The following EFCAB11 variants were observed in gnomAD, a reference collection of about 807,000 sequenced individuals.
EFCAB11 encodes EF-hand calcium binding domain 11, also known as EF-hand calcium-binding domain-containing protein 11.
Under a neutral mutation model 23.0 loss-of-function variants are expected in EFCAB11, and 14 were observed. The ratio of observed to expected loss-of-function variants is 0.61; its 90% CI spans 0.40 to 0.95. The LOEUF is 0.95. EFCAB11 is among the 40% of genes least tolerant of loss of function. The pLI is 0.00. For synonymous variants in EFCAB11, 65 were observed against 66.6 expected, an observed-to-expected ratio of 0.98 and a Z score of 0.11; for missense variants, 198 against 195.8, an observed-to-expected ratio of 1.01 and a Z score of -0.07.
intron 5 of EFCAB11, among the ~76,000 whole-genome samples, chr14:89,834,726 G>T (rs949686976): frequency 6.6e-6 from 1 of 152,230 alleles, no homozygotes; most frequent in African/African-American, 2.4e-5. Flanking sequence ...TTTCAGCAGA[G>T]TTACTGGGGC....
intron 3 of EFCAB11, among the ~76,000 whole-genome samples, chr14:89,940,781 T>C (rs1890763630): frequency 6.6e-6 from 1 of 152,226 alleles, no homozygotes; most frequent in South Asian, 2.1e-4. Flanking sequence ...TTAGGCATAT[T>C]TTACATAGAT....
At chr14:89,824,393 T>C (rs1162208959) in intron 5 of EFCAB11, among the ~76,000 whole-genome samples, 3 of 151,606 alleles carry the variant, frequency 2.0e-5, no homozygotes, top group Non-Finnish European at 2.9e-5. Flanking sequence ...CTTAGGCTTA[T>C]GGAAAATAAT....
intron 5 of EFCAB11, among the ~76,000 whole-genome samples, chr14:89,894,373 C>T (rs1045329213): frequency 1.2e-4 from 18 of 151,878 alleles, no homozygotes; most frequent in Admixed American, 2.0e-4. Flanking sequence ...AGGTTTTAAG[C>T]CCCACATGCA....
At chr14:89,870,843 G>A (rs1888245790) in intron 5 of EFCAB11, among the ~76,000 whole-genome samples, 1 of 152,016 alleles carries the variant, frequency 6.6e-6, no homozygotes, top group Admixed American at 6.6e-5. Flanking sequence ...GGGAGGCTGA[G>A]GCAGGAGAAC....
At chr14:89,836,794 AG>A (rs1887098031) in intron 5 of EFCAB11, 8 of 399,914 alleles carry the variant, frequency 2.0e-5, no homozygotes, top group South Asian at 1.5e-4. Context: ...TGAGGTGGGC[AG>A]ATCACTTGAG....
rs1283306617 is a variant in EFCAB11 at position 89,795,968 on chromosome 14, A to C, written c.*1275T>G. ...TGGAGCCCAGCAGGACAGGCAAGGC[A>C]TGGGGAACGTGAACACACATGGCTA... On this transcript the variant is annotated 3_prime_UTR_variant, in exon 6 of 6. Transcript: ENST00000316738. 2 of 152,246 alleles carry C rather than the reference A, an allele frequency of 1.3e-5. No homozygotes were observed. The highest frequency in any genetic ancestry group is 1.3e-4 in the Admixed American group (2 of 15,286). The allele number at this position is 152,246 out of a possible 1,614,324, so 9.4% of individuals were successfully genotyped here. A position where few individuals can be genotyped will look rare whatever the true frequency, so the allele number is the denominator to read the frequency against.
In EFCAB11 at chr14:89,950,150, A is replaced by T; in HGVS notation, c.172-8T>A. 1 of 1,555,064 alleles carries T rather than the reference A, an allele frequency of 6.4e-7. No homozygotes were observed. The highest frequency in any genetic ancestry group is 8.8e-7 in the Non-Finnish European group (1 of 1,139,230). ...CACAGAATCCACTTCTATCTAGAAA[A>T]GAGGAAAAAATAATAGAACATGTAA... On this transcript the variant is annotated splice_polypyrimidine_tract_variant and splice_region_variant and intron_variant, in intron 2 of 5. Coordinates refer to ENST00000316738, the MANE Select transcript of EFCAB11 (RefSeq NM_145231.4).
At chr14:89,924,488 G>A in intron 5 of EFCAB11, 2 of 1,398,996 alleles carry the variant, frequency 1.4e-6, no homozygotes, top group South Asian at 1.5e-5. Context: ...ACAGGTGGTG[G>A]GAATGTACAA....
intron 3 of EFCAB11, among the ~76,000 whole-genome samples, chr14:89,942,890 G>A (rs999681832): frequency 4.6e-5 from 7 of 152,134 alleles, no homozygotes; most frequent in African/African-American, 1.4e-4. Flanking sequence ...CTATTGAAAT[G>A]ACCTACTTTT....
chr14:89,941,377 T>C (rs1469013352), intron 3 of EFCAB11, among the ~76,000 whole-genome samples: 2 of 152,132 alleles, frequency 1.3e-5, no homozygotes, highest in African/African-American at 2.4e-5. Context: ...GAATGAATAC[T>C]GGCCTCGATT....
chr14:89,866,651 T>A (rs927388124), intron 5 of EFCAB11, among the ~76,000 whole-genome samples: 4 of 152,198 alleles, frequency 2.6e-5, no homozygotes, highest in African/African-American at 9.7e-5. Context: ...GATCTCCTTG[T>A]CTAGGCTGAA....
chr14:89,869,038 CA>C (rs145270520), intron 5 of EFCAB11, among the ~76,000 whole-genome samples: 12,738 of 147,320 alleles, frequency 0.086, 841 homozygotes, highest in African/African-American at 0.18. Context: ...CTCAACTCTA[CA>C]AAAAAAAAAT....
At chr14:89,877,587 T>G (rs1477657712) in intron 5 of EFCAB11, among the ~76,000 whole-genome samples, 1 of 152,212 alleles carries the variant, frequency 6.6e-6, no homozygotes, top group Non-Finnish European at 1.5e-5. Context: ...GTTGGTATCT[T>G]AGCAGTGTGT....
intron 5 of EFCAB11, chr14:89,892,570 G>A (rs1889006759): frequency 7.7e-6 from 6 of 782,296 alleles, no homozygotes; most frequent in Admixed American, 3.4e-5. Context: ...ACACAGTCAT[G>A]CTTCCTGGAT....
At chr14:89,840,804 A>G (rs772861809) in intron 5 of EFCAB11, among the ~76,000 whole-genome samples, 1 of 152,260 alleles carries the variant, frequency 6.6e-6, no homozygotes, top group Non-Finnish European at 1.5e-5. Context: ...ACAGAAACAC[A>G]TAAGAATAAT....
chr14:89,952,731 G>T, intron 2 of EFCAB11: 1 of 478,762 alleles, frequency 2.1e-6, no homozygotes, highest in Non-Finnish European at 2.7e-6. Context: ...GCTTTGCTGG[G>T]CTTTCAATCT....
At chr14:89,855,170 C>CTT (rs764566938) in intron 5 of EFCAB11, among the ~76,000 whole-genome samples, 1 of 141,082 alleles carries the variant, frequency 7.1e-6, no homozygotes, top group African/African-American at 2.7e-5. Flanking sequence ...AGGACAGCTT[C>CTT]TTTTTTTTTT....
At chr14:89,953,482 G>T (rs781163286) in intron 2 of EFCAB11, among the ~76,000 whole-genome samples, 2 of 152,182 alleles carry the variant, frequency 1.3e-5, no homozygotes, top group Non-Finnish European at 2.9e-5. Flanking sequence ...GGCGGCGAGC[G>T]GATTTTATGC....
chr14:89,885,594 T>C (rs1267962411), intron 5 of EFCAB11, among the ~76,000 whole-genome samples: 1 of 151,458 alleles, frequency 6.6e-6, no homozygotes, highest in African/African-American at 2.4e-5. Context: ...GAAGAATCGC[T>C]TGAACCTGGG....
Sources: gnomAD v4.1 joint callset for allele counts (sites outside exome capture counted in the v4.1 genomes callset) on GRCh38, gnomAD v4.1.1 for gene constraint, MANE v1.5 for transcripts, NCBI Gene and HGNC (gene_info 2026-07-23, HGNC 2026-07-21) for gene names.